Variants in PHF24 observed in about 807,000 individuals in gnomAD.
PHF24 encodes the protein PHD finger protein 24.
In PHF24, 25 loss-of-function variants were observed where a neutral mutation model predicts 42.6. That is an observed-to-expected ratio of 0.59 (90% CI 0.43 to 0.82). PHF24 has a LOEUF of 0.82. Among genes scored for constraint, PHF24 ranks in the 40% least tolerant of loss-of-function variants. The pLI, the probability that PHF24 is intolerant of heterozygous loss-of-function variation, is 0.00. For synonymous variants in PHF24, 185 were observed against 204.8 expected (o/e 0.90, Z 0.83); for missense variants, 470 against 538.1 (o/e 0.87, Z 1.25).
At chr9:34,917,965 A>T in the PHF24 span, 10 of 1,492,620 alleles carry the variant, frequency 6.7e-6, no homozygotes, top group East Asian at 2.3e-4. Context: ...ATGTGGGAGG[A>T]GAATGGTCTG....
chr9:34,874,120 A>C, the PHF24 span, among the ~76,000 whole-genome samples: 1 of 152,140 alleles, frequency 6.6e-6, no homozygotes, highest in East Asian at 1.9e-4. Flanking sequence ...TTTTCTAGAT[A>C]TACAATCATG....
chr9:34,805,724 T>A, the PHF24 span, among the ~76,000 whole-genome samples: 1 of 152,182 alleles, frequency 6.6e-6, no homozygotes, highest in Non-Finnish European at 1.5e-5. Flanking sequence ...TAAAGTCCAA[T>A]TTATCTATTT....
At chr9:34,696,115 TATATTGTTACTATAGTACTATATTGAGG>T in the PHF24 span, among the ~76,000 whole-genome samples, 1 of 152,224 alleles carries the variant, frequency 6.6e-6, no homozygotes, top group Non-Finnish European at 1.5e-5. Flanking sequence ...TGGTGATTAC[TATATTGTTACTATAGTACTATATTGAGG>T]CCAGAACCTC....
chr9:34,968,286 C>T (rs1826850392), intron 1 of PHF24, among the ~76,000 whole-genome samples: 1 of 152,126 alleles, frequency 6.6e-6, no homozygotes, highest in African/African-American at 2.4e-5. Context: ...ATTTCTTAAT[C>T]ACAATTTTTT....
At chr9:34,740,840 C>A in the PHF24 span, among the ~76,000 whole-genome samples, 1 of 151,770 alleles carries the variant, frequency 6.6e-6, no homozygotes, top group Non-Finnish European at 1.5e-5. Context: ...CATATGGTCT[C>A]GTATGTAAGT....
the PHF24 span, among the ~76,000 whole-genome samples, chr9:34,704,794 C>T: frequency 6.6e-6 from 1 of 152,120 alleles, no homozygotes; most frequent in Non-Finnish European, 1.5e-5. Context: ...TGAGATTGCG[C>T]CACTCACTTC....
the PHF24 span, among the ~76,000 whole-genome samples, chr9:34,854,088 A>G: frequency 6.6e-6 from 1 of 151,070 alleles, no homozygotes; most frequent in Admixed American, 6.6e-5. Context: ...GTATTCTCTG[A>G]TGGTTGTTTG....
chr9:34,795,801 A>G, the PHF24 span, among the ~76,000 whole-genome samples: 1 of 152,204 alleles, frequency 6.6e-6, no homozygotes, highest in African/African-American at 2.4e-5. Context: ...GTTAGAGATC[A>G]GCCTTGGCAA....
At chr9:34,750,708 A>G in the PHF24 span, among the ~76,000 whole-genome samples, 1 of 152,044 alleles carries the variant, frequency 6.6e-6, no homozygotes, top group African/African-American at 2.4e-5. Context: ...ATAGATACAC[A>G]AAAAACAGGA....
chr9:34,671,639 G>A, the PHF24 span, among the ~76,000 whole-genome samples: 1 of 152,200 alleles, frequency 6.6e-6, no homozygotes, highest in East Asian at 1.9e-4. Context: ...TGCATTCCAA[G>A]TGAGAAAGGG....
the PHF24 span, among the ~76,000 whole-genome samples, chr9:34,848,306 A>G: frequency 1.3e-5 from 2 of 151,750 alleles, no homozygotes; most frequent in Admixed American, 6.6e-5. Flanking sequence ...CAGAGAGTCA[A>G]CTTCTTCCTG....
At chr9:34,771,661 G>A in the PHF24 span, among the ~76,000 whole-genome samples, 1 of 152,116 alleles carries the variant, frequency 6.6e-6, no homozygotes, top group Non-Finnish European at 1.5e-5. Context: ...CATATGTGTA[G>A]ATGTGTGTAA....
chr9:34,759,460 A>G, the PHF24 span, among the ~76,000 whole-genome samples: 3 of 152,122 alleles, frequency 2.0e-5, no homozygotes, highest in African/African-American at 7.2e-5. Flanking sequence ...GTGAATGTAC[A>G]TGTGAGTAGT....
chr9:34,909,972 G>A, the PHF24 span, among the ~76,000 whole-genome samples: 13 of 152,146 alleles, frequency 8.5e-5, no homozygotes, highest in African/African-American at 2.7e-4. Flanking sequence ...TGATTAAGAT[G>A]GAGTGATTGT....
the PHF24 span, chr9:34,922,104 A>C: frequency 8.2e-7 from 1 of 1,226,986 alleles, no homozygotes; most frequent in Non-Finnish European, 1.2e-6. Flanking sequence ...ATTGTAAACA[A>C]CTATTTGTGG....
the PHF24 span, among the ~76,000 whole-genome samples, chr9:34,774,152 A>T: frequency 1.3e-5 from 2 of 152,326 alleles, no homozygotes; most frequent in Admixed American, 1.3e-4. Flanking sequence ...GGCAGAAAAC[A>T]TCAGGGAAAA....
the PHF24 span, among the ~76,000 whole-genome samples, chr9:34,737,315 C>T: frequency 1.1e-4 from 16 of 152,192 alleles, no homozygotes; most frequent in Non-Finnish European, 2.1e-4. Context: ...TTGCACCTGA[C>T]TTCTTTCACT....
At chr9:34,813,838 C>T in the PHF24 span, among the ~76,000 whole-genome samples, 1 of 152,076 alleles carries the variant, frequency 6.6e-6, no homozygotes, top group African/African-American at 2.4e-5. Flanking sequence ...TTACACAAAG[C>T]ATGAACACCA....
At chr9:34,715,946 C>T in the PHF24 span, among the ~76,000 whole-genome samples, 1 of 152,206 alleles carries the variant, frequency 6.6e-6, no homozygotes, top group South Asian at 2.1e-4. Context: ...CAGATGCTCC[C>T]AGCTTGGCAG....
Sources: gnomAD v4.1 joint callset for allele counts (sites outside exome capture counted in the v4.1 genomes callset) on GRCh38, gnomAD v4.1.1 for gene constraint, MANE v1.5 for transcripts, NCBI Gene and HGNC (gene_info 2026-07-23, HGNC 2026-07-21) for gene names.